ZNF831: variants seen among roughly 807,000 people sequenced by gnomAD.
ZNF831 encodes the protein zinc finger protein 831, also known as chromosome 20 open reading frame 174.
Under a neutral mutation model 95.8 loss-of-function variants are expected in ZNF831, and 59 were observed. The observed-to-expected ratio is 0.62, with a 90% CI of 0.50 to 0.77. The LOEUF is 0.77. ZNF831 is among the 30% of genes least tolerant of loss of function. The pLI, the probability that ZNF831 is intolerant of heterozygous loss-of-function variation, is 0.00. For missense variants in ZNF831, 2,205 were observed against 2,164.0 expected (o/e 1.02, Z -0.38); for synonymous variants, 961 against 925.5 (o/e 1.04, Z -0.70).
Position 59,191,169 on chromosome 20 carries a change from C to T in ZNF831, c.150C>T (p.Pro50=), listed in dbSNP as rs779731526. The T allele has an allele frequency of 6.9e-6, 11 of 1,602,328 alleles. No individual in the cohort carries two copies. In the South Asian group the frequency reaches 1.2e-4, roughly 18 times the overall value. ...VLLPPEQGLA[P]PTVFLKALPI... The stretch of plus-strand genomic sequence containing the variant: ...TGCCGCCAGAGCAGGGCCTGGCCCC[C>T]CCCACTGTGTTCCTGAAGGCCCTGC... The change falls in exon 2 of 6, where the codon CCC becomes CCT. Residue 50 remains proline, a synonymous_variant. Coordinates refer to ENST00000371030, the MANE Select transcript of ZNF831 (RefSeq NM_178457.3).
Position 59,193,037 on chromosome 20 carries a change from C to T in ZNF831, c.2018C>T (p.Thr673Ile), listed in dbSNP as rs1231562456. The change falls in exon 2 of 6, where the codon ACC (threonine) becomes ATC (isoleucine). Residue 673 changes from threonine (T) to isoleucine (I), a missense_variant. By Grantham distance (89) the Thr-to-Ile change is moderately conservative. Transcript: ENST00000371030. ...GCAGGGAGCTCAGGCACAGTCCCCA[C>T]CCAAGACAGGAGGACCCCTGTCCAT... ...EAAGSSGTVP[T>I]QDRRTPVHED... 6.3e-7 allele frequency: 1 copy of T among 1,575,268 alleles called. No homozygotes were observed. The highest frequency in any genetic ancestry group is 8.6e-7 in the Non-Finnish European group (1 of 1,161,398).
rs536156694 is a variant in ZNF831, at chr20:59,222,973, A to C, written c.4027+15917A>C. On this transcript the variant is annotated intron_variant, in intron 4 of 5. Coordinates refer to ENST00000371030, the MANE Select transcript of ZNF831 (RefSeq NM_178457.3). ...GCTGGGACCCCCCGCTGAGCAAGCG[A>C]CTGTCGTCACGGCCCCCGCACCAGA... 1.1e-4 allele frequency among the ~76,000 whole-genome samples: 17 copies of C among 152,292 alleles called. No individual in the cohort carries two copies. In the South Asian group the frequency reaches 2.5e-3, roughly 22 times the overall value.
intron 4 of ZNF831, among the ~76,000 whole-genome samples, chr20:59,232,848 C>G (rs186076973): frequency 3.1e-4 from 47 of 152,236 alleles, no homozygotes; most frequent in Non-Finnish European, 5.7e-4. Flanking sequence ...AAAGACAGCA[C>G]TAACAGGAAT....
At chr20:59,186,533 T>A (rs756881885) in intron 1 of ZNF831, among the ~76,000 whole-genome samples, 13 of 152,220 alleles carry the variant, frequency 8.5e-5, no homozygotes, top group Non-Finnish European at 1.2e-4. Context: ...CCAATGCCAC[T>A]GTTCTTAGAG....
intron 1 of ZNF831, among the ~76,000 whole-genome samples, chr20:59,178,835 A>G (rs1256368504): frequency 2.6e-5 from 4 of 152,050 alleles, no homozygotes; most frequent in African/African-American, 9.7e-5. Context: ...AAACAAGAAA[A>G]CCGAGTCCTA....
chr20:59,237,613 C>T (rs536721908), intron 4 of ZNF831, among the ~76,000 whole-genome samples: 13 of 152,276 alleles, frequency 8.5e-5, no homozygotes, highest in Non-Finnish European at 1.6e-4. Context: ...GGATTATGGG[C>T]GTGAGCCACT....
At chr20:59,253,210 C>A in intron 5 of ZNF831, 72 bp downstream of exon 5, 1 of 1,546,562 alleles carries the variant, frequency 6.5e-7, no homozygotes, top group Non-Finnish European at 8.8e-7. Context: ...GTTCTTGCTG[C>A]TCTTGTTCAG....
At chr20:59,173,242 A>C (rs746542200) in intron 1 of ZNF831, among the ~76,000 whole-genome samples, 1 of 152,118 alleles carries the variant, frequency 6.6e-6, no homozygotes, top group Non-Finnish European at 1.5e-5. Context: ...TTAGTGCCCA[A>C]ATTTTCACAT....
In ZNF831 at chr20:59,241,536, T is replaced by C. The variant is rs547645508; in HGVS notation, c.4028-11442T>C. On this transcript the variant is annotated intron_variant, in intron 4 of 5. Transcript: ENST00000371030. ...CTTTTATACGTTTATAAGAAACATA[T>C]ATAAGAAAACTTTTGTAAGAAACGT... 1.3e-3 allele frequency among the ~76,000 whole-genome samples: 204 copies of C among 152,318 alleles called. 2 individuals carry two copies. Among genetic ancestry groups the C allele is most frequent in the South Asian group, 2.3e-3 (11 of 4,828 alleles).
intron 4 of ZNF831, among the ~76,000 whole-genome samples, chr20:59,207,581 C>T (rs769922298): frequency 7.2e-5 from 11 of 152,162 alleles, no homozygotes; most frequent in African/African-American, 2.4e-4. Context: ...AAATAAAAGG[C>T]GAACTAAGTG....
intron 2 of ZNF831, among the ~76,000 whole-genome samples, chr20:59,157,123 G>A (rs1980586498): frequency 6.6e-6 from 1 of 151,958 alleles, no homozygotes; most frequent in South Asian, 2.1e-4. Flanking sequence ...ATAAATTATT[G>A]TTGACTGTAG....
chr20:59,207,194 G>A, intron 4 of ZNF831, 138 bp downstream of exon 4: 1 of 1,017,782 alleles, frequency 9.8e-7, no homozygotes, highest in Non-Finnish European at 1.4e-6. Context: ...GAGTAACAGA[G>A]GCATGACGTC....
rs115920254 is a variant in ZNF831 at position 59,251,642 on chromosome 20, G to A, written c.4028-1336G>A. ...AGCGGGGATGAAGGGAGACCCCAGGGGCACAGCCATGCTGCAGAGAAACAT... is the reference window on the plus strand; with the variant it reads ...AGCGGGGATGAAGGGAGACCCCAGGAGCACAGCCATGCTGCAGAGAAACAT... On this transcript the variant is annotated intron_variant, in intron 4 of 5. Coordinates refer to ENST00000371030, the MANE Select transcript of ZNF831 (RefSeq NM_178457.3). Among the ~76,000 whole-genome samples the A allele has an allele frequency of 5.4e-3, 821 of 152,224 alleles. 9 individuals carry two copies. Among genetic ancestry groups the A allele is most frequent in the African/African-American group, 0.018 (763 of 41,528 alleles).
At chr20:59,252,406 T>C (rs1987939335) in intron 4 of ZNF831, among the ~76,000 whole-genome samples, 1 of 152,176 alleles carries the variant, frequency 6.6e-6, no homozygotes, top group African/African-American at 2.4e-5. Context: ...GGGTGAAGGA[T>C]GAAGGAAAGA....
rs781256467 is a variant in ZNF831, at chr20:59,151,915, T to C, written c.-1281+5541T>C. Among the ~76,000 whole-genome samples the C allele has an allele frequency of 8.5e-5, 13 of 152,128 alleles. 1 individual carries two copies. Among genetic ancestry groups the C allele is most frequent in the Non-Finnish European group, 1.6e-4 (11 of 68,026 alleles). On this transcript the variant is annotated intron_variant, in intron 2 of 7. Coordinates refer to the ZNF831 transcript ENST00000637017. ...GGTGTACACCAAAGGCAGGGCTTGA[T>C]TGAATGGTTGAACATGCTGGTGTGG...
Position 59,253,923 on chromosome 20 carries a change from A to T in ZNF831, c.4214A>T (p.His1405Leu), listed in dbSNP as rs1229651482. 7.0e-7 allele frequency: 1 copy of T among 1,432,286 alleles called. No homozygotes were observed. The highest frequency in any genetic ancestry group is 9.3e-7 in the Non-Finnish European group (1 of 1,079,634). The allele number at this position is 1,432,286 out of a possible 1,614,324, so 88.7% of individuals were successfully genotyped here. ...VKDISPSAGE[H>L]GDCTTHSTAA... ...GATATTTCTCCATCTGCTGGTGAGCATGGTGACTGTACTACTCACAGCACT... is the reference window on the plus strand; with the variant it reads ...GATATTTCTCCATCTGCTGGTGAGCTTGGTGACTGTACTACTCACAGCACT... Residue 1405 changes from histidine (H) to leucine (L), a missense_variant, in exon 6 of 6, where the codon CAT becomes CTT. His to Leu is a moderately conservative substitution (Grantham distance 99). Transcript: ENST00000371030.
rs151237742 is a variant in ZNF831, at chr20:59,170,180, A to G, written c.-37+5973A>G. On this transcript the variant is annotated intron_variant, in intron 1 of 5. Coordinates refer to ENST00000371030, the MANE Select transcript of ZNF831 (RefSeq NM_178457.3). ...TTGTGGGTACATAGTAGGTGTATAT[A>G]TTTGTGGGGTACATGAAATGTTTTG... Among the ~76,000 whole-genome samples the G allele has an allele frequency of 4.6e-3, 706 of 152,220 alleles. 3 individuals are homozygous for G. The highest frequency in any genetic ancestry group is 0.016 in the African/African-American group (646 of 41,534).
intron 2 of ZNF831, among the ~76,000 whole-genome samples, chr20:59,155,247 A>G (rs910651250): frequency 6.6e-6 from 1 of 152,240 alleles, no homozygotes. Context: ...AGTAAAGGCA[A>G]AACCTCTCAG....
chr20:59,127,038 T>G (rs1979194422), intron 1 of ZNF831, among the ~76,000 whole-genome samples: 1 of 152,152 alleles, frequency 6.6e-6, no homozygotes. Flanking sequence ...ACCTACCTCA[T>G]GACTTCTCGT....
Sources: allele counts gnomAD v4.1 joint callset (sites outside exome capture counted in the v4.1 genomes callset), GRCh38; gene constraint gnomAD v4.1.1; transcripts MANE v1.5; gene names NCBI Gene and HGNC (gene_info 2026-07-23, HGNC 2026-07-21).